Variants in FOXP1 observed in about 807,000 individuals in gnomAD.
The protein encoded by FOXP1 is forkhead box P1.
In FOXP1, 15 loss-of-function variants were observed where a neutral mutation model predicts 98.2. That is an observed-to-expected ratio of 0.15 (90% CI 0.10 to 0.24). The LOEUF (loss-of-function observed/expected upper bound fraction) is 0.24. FOXP1 is among the 10% of genes least tolerant of loss of function. The pLI is 1.00. For missense variants in FOXP1, 633 were observed against 848.5 expected, an observed-to-expected ratio of 0.75 and a Z score of 3.15; for synonymous variants, 371 against 314.5, an observed-to-expected ratio of 1.18 and a Z score of -1.90.
intron 13 of FOXP1, among the ~76,000 whole-genome samples, chr3:70,989,301 A>ATT (rs11458884): frequency 8.0e-5 from 12 of 150,274 alleles, no homozygotes; most frequent in East Asian, 7.9e-4. Flanking sequence ...ATCACATTTG[A>ATT]TTTTTTTTTT....
intron 5 of FOXP1, among the ~76,000 whole-genome samples, chr3:71,235,556 A>G (rs2066697761): frequency 6.6e-6 from 1 of 152,050 alleles, no homozygotes; most frequent in Non-Finnish European, 1.5e-5. Flanking sequence ...ATGTACATTC[A>G]TAGAATGTTT....
chr3:71,141,932 G>T (rs1214669295), intron 6 of FOXP1, among the ~76,000 whole-genome samples: 2 of 152,234 alleles, frequency 1.3e-5, no homozygotes, highest in Non-Finnish European at 2.9e-5. Flanking sequence ...GGTTCAAGAA[G>T]ATGGAGCACA....
intron 7 of FOXP1, chr3:71,065,759 T>C (rs915525927): frequency 1.3e-5 from 2 of 152,218 alleles, no homozygotes; most frequent in African/African-American, 4.8e-5. Context: ...AAAGCTACTC[T>C]CAATAAGCAC....
At chr3:71,319,436 ATTCATAGTT>A (rs1232537027) in intron 4 of FOXP1, among the ~76,000 whole-genome samples, 3 of 152,196 alleles carry the variant, frequency 2.0e-5, no homozygotes, top group African/African-American at 7.2e-5. Flanking sequence ...TGAATTCAGA[ATTCATAGTT>A]CTGAAATTTA....
At chr3:71,279,526 A>T (rs2071288129) in intron 5 of FOXP1, among the ~76,000 whole-genome samples, 1 of 152,182 alleles carries the variant, frequency 6.6e-6, no homozygotes, top group South Asian at 2.1e-4. Flanking sequence ...TCCCACAAGA[A>T]AAAACTAGTC....
chr3:71,550,961 C>G (rs1474268873), intron 2 of FOXP1, among the ~76,000 whole-genome samples: 1 of 152,212 alleles, frequency 6.6e-6, no homozygotes, highest in Non-Finnish European at 1.5e-5. Flanking sequence ...TTCCAGACTT[C>G]ACGGAGTTGG....
Position 71,501,098 on chromosome 3 carries a change from G to A in FOXP1, c.-297-7543C>T, listed in dbSNP as rs1426022850. Among the ~76,000 whole-genome samples the A allele has an allele frequency of 2.6e-5, 4 of 152,042 alleles. No individual in the cohort carries two copies. In the East Asian group the frequency reaches 7.8e-4, roughly 30 times the overall value. On this transcript the variant is annotated intron_variant, in intron 2 of 20. Transcript: ENST00000649528. ...TCCCAGCTATTCGGGAGGCTGAGGT[G>A]GGAGAATTGCTTGAATCCGGGAGGC... is the stretch of plus-strand genomic sequence containing the variant.
At chr3:71,358,959 C>T (rs1193414094) in intron 4 of FOXP1, among the ~76,000 whole-genome samples, 191 bp downstream of exon 4, 1 of 152,188 alleles carries the variant, frequency 6.6e-6, no homozygotes, top group Non-Finnish European at 1.5e-5. Context: ...GTTATGAACC[C>T]TATTCTTGAA....
At chr3:71,052,456 A>G in intron 9 of FOXP1, 81 bp downstream of exon 9, 2 of 837,394 alleles carry the variant, frequency 2.4e-6, no homozygotes, top group Admixed American at 1.7e-5. Context: ...GCAATCATTT[A>G]AAAGATGAAT....
chr3:71,533,596 C>G (rs1305733636), intron 2 of FOXP1, among the ~76,000 whole-genome samples: 1 of 152,102 alleles, frequency 6.6e-6, no homozygotes, highest in Non-Finnish European at 1.5e-5. Context: ...GGAAAATTGG[C>G]GTCCCCAACC....
chr3:71,554,986 G>A (rs2046027424), intron 2 of FOXP1, among the ~76,000 whole-genome samples: 1 of 151,944 alleles, frequency 6.6e-6, no homozygotes, highest in South Asian at 2.1e-4. Flanking sequence ...GAAAAATAGG[G>A]GGAAATTATG....
intron 3 of FOXP1, among the ~76,000 whole-genome samples, chr3:71,379,507 G>C (rs2079981067): frequency 6.6e-6 from 1 of 152,008 alleles, no homozygotes; most frequent in African/African-American, 2.4e-5. Flanking sequence ...TTTCATACCA[G>C]GGGTCAGCAA....
At chr3:71,176,548 G>A (rs920411793) in intron 6 of FOXP1, among the ~76,000 whole-genome samples, 4 of 151,988 alleles carry the variant, frequency 2.6e-5, no homozygotes, top group Non-Finnish European at 5.9e-5. Flanking sequence ...CACCACCAGA[G>A]GCACTGCCGA....
intron 6 of FOXP1, among the ~76,000 whole-genome samples, chr3:71,152,954 G>A (rs924954625): frequency 1.3e-5 from 2 of 152,174 alleles, no homozygotes; most frequent in Non-Finnish European, 2.9e-5. Flanking sequence ...GCAAGTCCTT[G>A]ACAAACTTTC....
intron 4 of FOXP1, among the ~76,000 whole-genome samples, chr3:71,325,210 AC>A (rs918395687): frequency 6.6e-6 from 1 of 151,720 alleles, no homozygotes; most frequent in East Asian, 1.9e-4. Flanking sequence ...AAACCACCAC[AC>A]CCGGATAATT....
At chr3:71,053,248 G>GT (rs1178626740) in intron 8 of FOXP1, among the ~76,000 whole-genome samples, 1 of 152,268 alleles carries the variant, frequency 6.6e-6, no homozygotes, top group Non-Finnish European at 1.5e-5. Flanking sequence ...AAAAAAATCT[G>GT]TAAGCTTCTG....
At chr3:71,196,867 A>C (rs1328768109) in intron 6 of FOXP1, among the ~76,000 whole-genome samples, 1 of 152,212 alleles carries the variant, frequency 6.6e-6, no homozygotes, top group Non-Finnish European at 1.5e-5. Flanking sequence ...TGGGCTGCCA[A>C]TGAAAGAAAG....
intron 5 of FOXP1, among the ~76,000 whole-genome samples, chr3:71,265,508 G>A (rs2069551903): frequency 1.3e-5 from 2 of 152,164 alleles, no homozygotes; most frequent in Admixed American, 6.6e-5. Flanking sequence ...AAGCCAACTG[G>A]ATGGTTCTCT....
intron 7 of FOXP1, among the ~76,000 whole-genome samples, chr3:71,084,530 TA>T (rs2054808557): frequency 6.6e-6 from 1 of 152,206 alleles, no homozygotes; most frequent in Non-Finnish European, 1.5e-5. Flanking sequence ...AGGAATTCAT[TA>T]GCAACTATTT....
Sources: allele counts gnomAD v4.1 joint callset (sites outside exome capture counted in the v4.1 genomes callset), GRCh38; gene constraint gnomAD v4.1.1; transcripts MANE v1.5; gene names NCBI Gene and HGNC (gene_info 2026-07-23, HGNC 2026-07-21).